The following DENND6A variants were observed in gnomAD, a reference collection of about 807,000 sequenced individuals.
DENND6A encodes the protein DENN domain containing 6A, also known as protein DENND6A.
DENND6A carries 43 observed loss-of-function variants against 95.5 expected under a neutral mutation model. The ratio of observed to expected loss-of-function variants is 0.45; its 90% CI spans 0.35 to 0.58. The LOEUF (loss-of-function observed/expected upper bound fraction) is 0.58, where lower values mean the gene tolerates loss of function less well. Among genes scored for constraint, DENND6A ranks in the 20% least tolerant of loss-of-function variants. The pLI is 0.00. For missense variants in DENND6A, 574 were observed against 736.0 expected (o/e 0.78, Z 2.55); for synonymous variants, 257 against 260.4 (o/e 0.99, Z 0.13).
At chr3:57,644,191 A>G (rs989574895) in intron 11 of DENND6A, among the ~76,000 whole-genome samples, 32 of 152,154 alleles carry the variant, frequency 2.1e-4, no homozygotes, top group African/African-American at 7.0e-4. Flanking sequence ...ATCAGAACTC[A>G]GAACACAATA....
intron 4 of DENND6A, among the ~76,000 whole-genome samples, chr3:57,664,099 T>TA (rs966782324): frequency 1.2e-4 from 18 of 151,530 alleles, no homozygotes; most frequent in African/African-American, 2.2e-4. Context: ...TGACTGAAGT[T>TA]AAAAAAAAAT....
intron 1 of DENND6A, among the ~76,000 whole-genome samples, chr3:57,677,460 G>T (rs1183179544): frequency 1.8e-5 from 2 of 111,270 alleles, no homozygotes; most frequent in African/African-American, 7.0e-5. Context: ...AGAGTCTCCA[G>T]AGTCTCATTC....
Position 57,666,304 on chromosome 3 carries a change from T to C in DENND6A, c.320-69A>G, listed in dbSNP as rs544769127. 95 of 1,259,376 alleles carry C rather than the reference T, an allele frequency of 7.5e-5. 1 individual carries two copies. In the South Asian group the frequency reaches 1.3e-3, roughly 17 times the overall value. The allele number at this position is 1,259,376 out of a possible 1,614,324, so 78.0% of individuals were successfully genotyped here. A position where few individuals can be genotyped will look rare whatever the true frequency, so the allele number is the denominator to read the frequency against. On this transcript the variant is annotated intron_variant, in intron 3 of 19. Coordinates refer to ENST00000311128, the MANE Select transcript of DENND6A (RefSeq NM_152678.3). Reference sequence around the variant, plus strand: ...AACATTTATCCAGTTTCATCAATTTTAGAGCTGAAAAAAATCCTATCAATC... The same window carrying C: ...AACATTTATCCAGTTTCATCAATTTCAGAGCTGAAAAAAATCCTATCAATC...
At chr3:57,665,101 G>C (rs1015907230) in intron 4 of DENND6A, among the ~76,000 whole-genome samples, 1 of 150,428 alleles carries the variant, frequency 6.6e-6, no homozygotes, top group African/African-American at 2.4e-5. Context: ...ATTAAAATAC[G>C]GCACATATAT....
intron 14 of DENND6A, among the ~76,000 whole-genome samples, chr3:57,634,208 G>C (rs944871546): frequency 3.3e-5 from 5 of 151,968 alleles, no homozygotes; most frequent in African/African-American, 1.2e-4. Context: ...CGAGGTGGGC[G>C]TATCACTTAA....
Position 57,628,180 on chromosome 3 carries a change from A to G in DENND6A, c.*34T>C. ...GAAATGTCAGTATGCTTCATGATGC[A>G]TAATCCTTTTTGGCTGGAAAATCTT... On this transcript the variant is annotated 3_prime_UTR_variant, in exon 20 of 20. Transcript: ENST00000311128. 1.9e-6 allele frequency: 3 copies of G among 1,604,650 alleles called. No homozygotes were observed. The highest frequency in any genetic ancestry group is 2.6e-6 in the Non-Finnish European group (3 of 1,174,666).
Position 57,680,145 on chromosome 3 carries a change from C to A in DENND6A, c.238-7707G>T, listed in dbSNP as rs190072290. 2.2e-3 allele frequency among the ~76,000 whole-genome samples: 340 copies of A among 152,214 alleles called. 3 individuals are homozygous for A. Among genetic ancestry groups the A allele is most frequent in the South Asian group, 0.017 (81 of 4,828 alleles). Reference sequence around the variant, plus strand: ...TTCACAGCATATACAATAGTCAATTCAAAGTGGATCAAAGGCCTAAATGTA... The same window carrying A: ...TTCACAGCATATACAATAGTCAATTAAAAGTGGATCAAAGGCCTAAATGTA... On this transcript the variant is annotated intron_variant, in intron 1 of 19. Coordinates refer to ENST00000311128, the MANE Select transcript of DENND6A (RefSeq NM_152678.3).
chr3:57,676,740 A>C (rs976416313), intron 1 of DENND6A, among the ~76,000 whole-genome samples: 8 of 152,180 alleles, frequency 5.3e-5, no homozygotes, highest in South Asian at 2.1e-4. Flanking sequence ...CAATGAATTA[A>C]GTTTTTGTAG....
chr3:57,689,090 G>A (rs749483169), intron 1 of DENND6A, among the ~76,000 whole-genome samples: 5 of 152,024 alleles, frequency 3.3e-5, no homozygotes, highest in African/African-American at 9.7e-5. Flanking sequence ...GAGTAGCTGG[G>A]ACTACAGGTG....
chr3:57,637,087 C>T (rs771709784), intron 12 of DENND6A, among the ~76,000 whole-genome samples: 27 of 152,102 alleles, frequency 1.8e-4, no homozygotes, highest in African/African-American at 3.1e-4. Context: ...AGATGTCCTC[C>T]GTGCCAGTCT....
Position 57,627,974 on chromosome 3 carries a change from A to G in DENND6A, c.*240T>C. On this transcript the variant is annotated 3_prime_UTR_variant, in exon 20 of 20. Coordinates refer to ENST00000311128, the MANE Select transcript of DENND6A (RefSeq NM_152678.3). ...ATAAGAGCACTTTAGAACATGATTAAAAATATAGAAATGCCTTTCGGTGTT... is the reference window on the plus strand; with the variant it reads ...ATAAGAGCACTTTAGAACATGATTAGAAATATAGAAATGCCTTTCGGTGTT... The G allele has an allele frequency of 2.4e-6, 1 of 423,350 alleles. No homozygotes were observed. Among genetic ancestry groups the G allele is most frequent in the South Asian group, 4.3e-5 (1 of 23,078 alleles). 26.2% of individuals were successfully genotyped at this position (423,350 alleles called of 1,614,324 possible). A position where few individuals can be genotyped will look rare whatever the true frequency, so the allele number is the denominator to read the frequency against.
In DENND6A at chr3:57,692,973, G is replaced by T; in HGVS notation, c.46C>A (p.Pro16Thr). 6.5e-7 allele frequency: 1 copy of T among 1,527,196 alleles called. No individual in the cohort carries two copies. 94.6% of individuals were successfully genotyped at this position (1,527,196 alleles called of 1,614,324 possible). A position where few individuals can be genotyped will look rare whatever the true frequency, so the allele number is the denominator to read the frequency against. ...GCCCCTGCCACCGCTTCGTCCAACG[G>T]CCTTCGAGAGCCGGGCCCCAAGCCC... is the stretch of plus-strand genomic sequence containing the variant. ...PAGLGPGSRR[P>T]LDEAVAGAEG... is the part of the protein sequence containing the mutation. Residue 16 changes from proline to threonine, a missense_variant, in exon 1 of 20, where the codon CCG becomes ACG. Coordinates refer to ENST00000311128, the MANE Select transcript of DENND6A (RefSeq NM_152678.3).
intron 1 of DENND6A, among the ~76,000 whole-genome samples, chr3:57,686,779 C>T (rs1256583812): frequency 1.3e-5 from 2 of 152,160 alleles, no homozygotes; most frequent in Non-Finnish European, 2.9e-5. Flanking sequence ...CCCCATCTCT[C>T]TCCCTCTCCT....
chr3:57,659,525 A>C (rs1383619882), intron 7 of DENND6A, among the ~76,000 whole-genome samples: 3 of 152,158 alleles, frequency 2.0e-5, no homozygotes, highest in Non-Finnish European at 4.4e-5. Flanking sequence ...AAGCTTGCCA[A>C]ATTTTTGGAT....
chr3:57,677,725 C>T (rs1212390500), intron 1 of DENND6A, among the ~76,000 whole-genome samples: 1 of 152,060 alleles, frequency 6.6e-6, no homozygotes, highest in Non-Finnish European at 1.5e-5. Flanking sequence ...GCCACTACAT[C>T]CGGCCTTCCT....
chr3:57,686,160 C>T (rs144631370), intron 1 of DENND6A, among the ~76,000 whole-genome samples: 23 of 152,180 alleles, frequency 1.5e-4, no homozygotes, highest in African/African-American at 4.8e-4. Flanking sequence ...AATGTTTAGC[C>T]TCATTTTCAA....
chr3:57,670,137 G>GCTAT (rs1464595425), intron 3 of DENND6A, among the ~76,000 whole-genome samples: 1 of 151,728 alleles, frequency 6.6e-6, no homozygotes, highest in East Asian at 1.9e-4. Context: ...CTAGATATAG[G>GCTAT]CTATCTAAAC....
Position 57,652,056 on chromosome 3 carries a change from A to AAAAAT in DENND6A, c.819-5619_819-5618insATTTT, listed in dbSNP as rs1334096710. Among the ~76,000 whole-genome samples the AAAAAT allele has an allele frequency of 7.9e-4, 120 of 152,246 alleles. 2 individuals are homozygous for AAAAAT. The highest frequency in any genetic ancestry group is 1.5e-3 in the East Asian group (8 of 5,188). ...CTACAAAAATAATAAAATAAAAATA[A>AAAAAT]AAATAAATAAATAAATAACATCTGT... On this transcript the variant is annotated intron_variant, in intron 9 of 19. Transcript: ENST00000311128.
intron 1 of DENND6A, 59 bp from the exon 2 acceptor site, chr3:57,672,497 T>C (rs1171854465): frequency 1.3e-6 from 2 of 1,543,670 alleles, no homozygotes; most frequent in Non-Finnish European, 1.8e-6. Context: ...ATAAACATAT[T>C]ATAGGCCAGG....
Sources: gnomAD v4.1 joint callset for allele counts (sites outside exome capture counted in the v4.1 genomes callset) on GRCh38, gnomAD v4.1.1 for gene constraint, MANE v1.5 for transcripts, NCBI Gene and HGNC (gene_info 2026-07-23, HGNC 2026-07-21) for gene names.